The following AGMO variants were observed in gnomAD, a reference collection of about 807,000 sequenced individuals.
AGMO encodes glyceryl-ether monooxygenase.
AGMO carries 75 observed loss-of-function variants against 60.2 expected under a neutral mutation model. That is an observed-to-expected ratio of 1.25 (90% CI 1.03 to 1.51). AGMO has a LOEUF of 1.51. AGMO is among the 40% of genes most tolerant of loss of function. The pLI, the probability that AGMO is intolerant of heterozygous loss-of-function variation, is 0.00. For missense variants in AGMO, 763 were observed against 525.5 expected, an observed-to-expected ratio of 1.45 and a Z score of -4.42; for synonymous variants, 261 against 177.1, an observed-to-expected ratio of 1.47 and a Z score of -3.76.
At chr7:15,247,455 CACACAGAGAG>C (rs1782778628) in intron 12 of AGMO, among the ~76,000 whole-genome samples, 1 of 120,278 alleles carries the variant, frequency 8.3e-6, no homozygotes, top group Non-Finnish European at 1.7e-5. Context: ...CACACACACA[CACACAGAGAG>C]AGAGAGAGAG....
intron 2 of AGMO, among the ~76,000 whole-genome samples, chr7:15,549,482 C>A (rs1260540727): frequency 6.6e-6 from 1 of 151,778 alleles, no homozygotes; most frequent in Non-Finnish European, 1.5e-5. Context: ...ACCTACCAAG[C>A]AAATGGAAAA....
chr7:15,535,281 A>T (rs75151308), intron 3 of AGMO, among the ~76,000 whole-genome samples: 12,660 of 151,818 alleles, frequency 0.083, 847 homozygotes, highest in African/African-American at 0.18. Flanking sequence ...CTTAGACATA[A>T]GCTTTGGAAT....
intron 12 of AGMO, among the ~76,000 whole-genome samples, chr7:15,262,264 T>G (rs913100190): frequency 2.6e-5 from 4 of 152,184 alleles, no homozygotes; most frequent in Admixed American, 2.6e-4. Context: ...CTAGAACTGG[T>G]AACTGAATTC....
At chr7:15,319,044 G>C (rs1220836471) in intron 12 of AGMO, among the ~76,000 whole-genome samples, 1 of 151,778 alleles carries the variant, frequency 6.6e-6, no homozygotes, top group Non-Finnish European at 1.5e-5. Context: ...CTCTTTCATC[G>C]GTTTCTTTTT....
rs192051629 is a variant in AGMO, at chr7:15,403,021, A to C, written c.610-8842T>G. Among the ~76,000 whole-genome samples the C allele has an allele frequency of 4.9e-3, 748 of 152,020 alleles. 1 individual carries two copies. The highest frequency in any genetic ancestry group is 0.01 in the Middle Eastern group (3 of 294). ...GTTTAAACTGTATCAGAAAAAAAAGATTTTACAAACAAGTTACCTTTTCCA... is the reference window on the plus strand; with the variant it reads ...GTTTAAACTGTATCAGAAAAAAAAGCTTTTACAAACAAGTTACCTTTTCCA... On this transcript the variant is annotated intron_variant, in intron 5 of 12. Transcript: ENST00000342526.
chr7:15,461,053 T>C (rs1005010279), intron 3 of AGMO, among the ~76,000 whole-genome samples: 2 of 152,096 alleles, frequency 1.3e-5, no homozygotes, highest in African/African-American at 4.8e-5. Context: ...TATTTCCTGC[T>C]CTAATAGGGC....
the AGMO span, among the ~76,000 whole-genome samples, chr7:15,139,480 C>A: frequency 6.6e-6 from 1 of 152,198 alleles, no homozygotes; most frequent in Non-Finnish European, 1.5e-5. Context: ...GCCTGGCGTT[C>A]ATTAGTTATT....
At chr7:15,539,620 A>T (rs1326586965) in intron 3 of AGMO, among the ~76,000 whole-genome samples, 1 of 152,174 alleles carries the variant, frequency 6.6e-6, no homozygotes, top group African/African-American at 2.4e-5. Flanking sequence ...ATGTGTCTTT[A>T]TAATGGAACA....
intron 3 of AGMO, among the ~76,000 whole-genome samples, chr7:15,434,473 TCAAA>T (rs1781342827): frequency 6.6e-6 from 1 of 152,130 alleles, no homozygotes; most frequent in African/African-American, 2.4e-5. Flanking sequence ...CCTCTCATAC[TCAAA>T]CACTCTCTAA....
intron 9 of AGMO, among the ~76,000 whole-genome samples, chr7:15,386,561 T>TA (rs1184266833): frequency 6.6e-6 from 1 of 152,214 alleles, no homozygotes; most frequent in Non-Finnish European, 1.5e-5. Context: ...GTGGGAAACT[T>TA]ATTCCTAGCG....
At chr7:15,365,824 T>G (rs1489970457) in intron 11 of AGMO, among the ~76,000 whole-genome samples, 2 of 152,054 alleles carry the variant, frequency 1.3e-5, no homozygotes, top group Admixed American at 6.6e-5. Context: ...CATCAACATA[T>G]TGCTTAGTTT....
intron 3 of AGMO, among the ~76,000 whole-genome samples, chr7:15,489,416 G>T (rs1161461146): frequency 6.6e-6 from 1 of 152,140 alleles, no homozygotes; most frequent in Non-Finnish European, 1.5e-5. Flanking sequence ...CTTGGCTATT[G>T]TTATATTATT....
chr7:15,432,336 A>G lies in AGMO; in HGVS notation c.410-1228T>C, dbSNP rs576495078. Among the ~76,000 whole-genome samples the G allele has an allele frequency of 1.1e-3, 156 of 135,850 alleles. 1 individual carries two copies. Among genetic ancestry groups the G allele is most frequent in the African/African-American group, 3.9e-3 (147 of 37,348 alleles). The allele number at this position is 135,850 out of a possible 152,430, so 89.1% of individuals were successfully genotyped here. On this transcript the variant is annotated intron_variant, in intron 3 of 12. Coordinates refer to ENST00000342526, the MANE Select transcript of AGMO (RefSeq NM_001004320.2). ...TATGTGTGTGTATATATGTATATAT[A>G]TATATATATACATACATATATATAT...
chr7:15,274,250 G>A (rs867980889), intron 12 of AGMO, among the ~76,000 whole-genome samples: 1 of 152,210 alleles, frequency 6.6e-6, no homozygotes, highest in African/African-American at 2.4e-5. Context: ...TATGATATTG[G>A]CTGTGGATTT....
At chr7:15,545,491 C>CACAT (rs1784753962) in intron 2 of AGMO, among the ~76,000 whole-genome samples, 1 of 152,036 alleles carries the variant, frequency 6.6e-6, no homozygotes, top group East Asian at 1.9e-4. Flanking sequence ...TTCACACACA[C>CACAT]ACATACACAC....
the AGMO span, among the ~76,000 whole-genome samples, chr7:15,127,523 C>T: frequency 1.3e-5 from 2 of 151,908 alleles, no homozygotes; most frequent in Non-Finnish European, 2.9e-5. Flanking sequence ...ATAGAAGATA[C>T]CAAGGGAAAT....
intron 3 of AGMO, among the ~76,000 whole-genome samples, chr7:15,469,942 G>C (rs931549015): frequency 1.3e-5 from 2 of 152,006 alleles, no homozygotes; most frequent in African/African-American, 4.8e-5. Flanking sequence ...AAAAACAAAA[G>C]AATGGATGAT....
In AGMO at chr7:15,365,590, C is replaced by T. The variant is rs201588410; in HGVS notation, c.1187G>A (p.Arg396His). Residue 396 changes from arginine (R) to histidine (H), a missense_variant, in exon 12 of 13, where the codon CGT becomes CAT. Transcript: ENST00000342526. Reference sequence around the variant, plus strand: ...GTACAGCATTAAGAACATCAAGCAACGGAGAGTTTCCATAATAGCTGCCTT... The same window carrying T: ...GTACAGCATTAAGAACATCAAGCAATGGAGAGTTTCCATAATAGCTGCCTT... ...RPKAAIMETLRCLMFLMLYRF... is the reference protein window; with the variant it reads ...RPKAAIMETLHCLMFLMLYRF... 2.1e-5 allele frequency: 34 copies of T among 1,612,454 alleles called. No individual in the cohort carries two copies. Among genetic ancestry groups the T allele is most frequent in the Middle Eastern group, 3.3e-4 (2 of 6,056 alleles).
chr7:15,239,745 TTTC>T (rs1782534422), intron 12 of AGMO, among the ~76,000 whole-genome samples: 1 of 152,110 alleles, frequency 6.6e-6, no homozygotes, highest in Non-Finnish European at 1.5e-5. Flanking sequence ...TATGTAGGTG[TTTC>T]TTATTATGTA....
Sources: allele counts gnomAD v4.1 joint callset (sites outside exome capture counted in the v4.1 genomes callset), GRCh38; gene constraint gnomAD v4.1.1; transcripts MANE v1.5; gene names NCBI Gene and HGNC (gene_info 2026-07-23, HGNC 2026-07-21).